The following TCF12 variants were observed in gnomAD, a reference collection of about 807,000 sequenced individuals.
TCF12 encodes the protein DNA-binding protein HTF4.
TCF12 carries 45 observed loss-of-function variants against 86.0 expected under a neutral mutation model. The ratio of observed to expected loss-of-function variants is 0.52; its 90% confidence interval spans 0.41 to 0.67. The LOEUF is 0.67. TCF12 is among the 30% of genes least tolerant of loss of function. The probability of loss-of-function intolerance (pLI) is 0.00; values close to 1 mark genes in which losing one functional copy is unlikely to be tolerated. For synonymous variants in TCF12, 330 were observed against 299.6 expected, an observed-to-expected ratio of 1.10 and a Z score of -1.05; for missense variants, 881 against 859.9, an observed-to-expected ratio of 1.02 and a Z score of -0.31.
chr15:57,154,146 T>C (rs1432762600), intron 5 of TCF12, among the ~76,000 whole-genome samples: 1 of 152,192 alleles, frequency 6.6e-6, no homozygotes, highest in Non-Finnish European at 1.5e-5. Context: ...GAAACAGAGA[T>C]ACCAAGAGAT....
intron 7 of TCF12, among the ~76,000 whole-genome samples, chr15:57,194,439 A>G (rs2057145749): frequency 6.6e-6 from 1 of 152,104 alleles, no homozygotes; most frequent in African/African-American, 2.4e-5. Context: ...TCCTGTGTAA[A>G]TGTCATTTAG....
At chr15:56,964,420 C>G (rs575297395) in intron 3 of TCF12, among the ~76,000 whole-genome samples, 7 of 152,312 alleles carry the variant, frequency 4.6e-5, no homozygotes, top group Non-Finnish European at 8.8e-5. Context: ...TTCTCTCTCT[C>G]TTTTCCATTC....
intron 3 of TCF12, among the ~76,000 whole-genome samples, chr15:56,935,882 C>T (rs2060448123): frequency 6.6e-6 from 1 of 152,070 alleles, no homozygotes; most frequent in East Asian, 1.9e-4. Context: ...TATACAGTTT[C>T]TTTATCCACT....
chr15:57,122,393 T>C (rs2051304246), intron 5 of TCF12, among the ~76,000 whole-genome samples: 1 of 152,180 alleles, frequency 6.6e-6, no homozygotes, highest in African/African-American at 2.4e-5. Flanking sequence ...TGATCATATA[T>C]ACTAGTAACT....
intron 3 of TCF12, among the ~76,000 whole-genome samples, chr15:56,962,720 T>TC (rs2061821803): frequency 6.6e-6 from 1 of 152,226 alleles, no homozygotes; most frequent in Non-Finnish European, 1.5e-5. Context: ...TAAGTTACTT[T>TC]CTGATACAGA....
intron 5 of TCF12, among the ~76,000 whole-genome samples, chr15:57,097,687 A>G (rs180913629): frequency 8.5e-5 from 13 of 152,296 alleles, no homozygotes; most frequent in African/African-American, 2.9e-4. Context: ...CCAGTGTTTT[A>G]ATAACCCTAA....
intron 8 of TCF12, among the ~76,000 whole-genome samples, chr15:57,203,516 T>A (rs139211633): frequency 1.7e-3 from 252 of 152,340 alleles, no homozygotes; most frequent in African/African-American, 5.7e-3. Flanking sequence ...TACCTAAAGT[T>A]GTATTCTTGT....
intron 5 of TCF12, among the ~76,000 whole-genome samples, chr15:57,122,148 G>T (rs1454050782): frequency 6.9e-6 from 1 of 144,124 alleles, no homozygotes. Flanking sequence ...TCATAGTCCT[G>T]TTCAAACATC....
intron 8 of TCF12, among the ~76,000 whole-genome samples, chr15:57,200,165 G>A (rs1236355029): frequency 6.6e-6 from 1 of 151,448 alleles, no homozygotes; most frequent in Non-Finnish European, 1.5e-5. Context: ...GTAGGTGCGA[G>A]CCACCACACC....
intron 5 of TCF12, among the ~76,000 whole-genome samples, chr15:57,153,665 C>T (rs1035028249): frequency 5.3e-5 from 8 of 152,030 alleles, no homozygotes; most frequent in Admixed American, 2.6e-4. Context: ...TGAGGGCAAT[C>T]GCTAAGAAAT....
At chr15:57,100,714 G>A (rs1361672604) in intron 5 of TCF12, among the ~76,000 whole-genome samples, 1 of 152,054 alleles carries the variant, frequency 6.6e-6, no homozygotes, top group African/African-American at 2.4e-5. Flanking sequence ...GTAGGGGGAG[G>A]TATTCCTGGT....
intron 4 of TCF12, among the ~76,000 whole-genome samples, chr15:57,069,338 T>C (rs550336813): frequency 6.6e-6 from 1 of 152,336 alleles, no homozygotes; most frequent in East Asian, 1.9e-4. Context: ...TAATCTATTA[T>C]GGTAGTTATT....
intron 6 of TCF12, among the ~76,000 whole-genome samples, chr15:57,168,093 C>G (rs1230143717): frequency 6.6e-6 from 1 of 152,124 alleles, no homozygotes; most frequent in Non-Finnish European, 1.5e-5. Flanking sequence ...AGAAGGATCA[C>G]TTCAGCTCAG....
intron 3 of TCF12, among the ~76,000 whole-genome samples, chr15:57,049,797 C>A (rs1037431798): frequency 2.6e-5 from 4 of 152,142 alleles, no homozygotes; most frequent in African/African-American, 9.7e-5. Flanking sequence ...GATTTTACTG[C>A]GACAGTTGTA....
chr15:57,141,789 G>A (rs1364608810), intron 5 of TCF12, among the ~76,000 whole-genome samples: 3 of 152,204 alleles, frequency 2.0e-5, no homozygotes, highest in Non-Finnish European at 4.4e-5. Flanking sequence ...AAATCAGTCA[G>A]CCTAGGCACA....
intron 4 of TCF12, among the ~76,000 whole-genome samples, chr15:57,065,838 T>C (rs1275033110): frequency 2.0e-5 from 3 of 152,182 alleles, no homozygotes; most frequent in Admixed American, 2.0e-4. Flanking sequence ...ATGTATTATG[T>C]ACAGTGAAAA....
chr15:57,029,110 A>G (rs1342107766), intron 3 of TCF12, among the ~76,000 whole-genome samples: 3 of 152,146 alleles, frequency 2.0e-5, no homozygotes, highest in East Asian at 3.9e-4. Context: ...TACATGTATC[A>G]TAAGCATTTC....
chr15:57,081,661 C>T (rs544929727), intron 4 of TCF12, among the ~76,000 whole-genome samples: 2 of 152,154 alleles, frequency 1.3e-5, no homozygotes, highest in African/African-American at 4.8e-5. Flanking sequence ...CCTCAGCCTC[C>T]CAAGTAGCTG....
chr15:57,022,796 A>T (rs906006197), intron 3 of TCF12, among the ~76,000 whole-genome samples: 4 of 151,972 alleles, frequency 2.6e-5, no homozygotes, highest in African/African-American at 4.8e-5. Flanking sequence ...TGTGGTTTTG[A>T]TTTTCATTTC....
Sources: gnomAD v4.1 joint callset for allele counts (sites outside exome capture counted in the v4.1 genomes callset) on GRCh38, gnomAD v4.1.1 for gene constraint, MANE v1.5 for transcripts, NCBI Gene and HGNC (gene_info 2026-07-23, HGNC 2026-07-21) for gene names.